The following TMEM132D variants were observed in gnomAD, a reference collection of about 807,000 sequenced individuals.
TMEM132D encodes mature OL transmembrane protein.
A neutral mutation model predicts 62.3 loss-of-function variants in TMEM132D; 21 were observed. The observed-to-expected ratio is 0.34, with a 90% CI of 0.24 to 0.49. The LOEUF (loss-of-function observed/expected upper bound fraction) is 0.49, where lower values mean the gene tolerates loss of function less well. TMEM132D is among the 20% of genes least tolerant of loss of function. The probability of loss-of-function intolerance (pLI) is 0.99; values close to 1 mark genes in which losing one functional copy is unlikely to be tolerated. For synonymous variants in TMEM132D, 621 were observed against 575.6 expected, an observed-to-expected ratio of 1.08 and a Z score of -1.13; for missense variants, 1,346 against 1,402.8, an observed-to-expected ratio of 0.96 and a Z score of 0.65.
At chr12:129,140,283 T>G (rs1319024447) in intron 5 of TMEM132D, among the ~76,000 whole-genome samples, 1 of 151,766 alleles carries the variant, frequency 6.6e-6, no homozygotes, top group Non-Finnish European at 1.5e-5. Flanking sequence ...ATTTGCTTGA[T>G]TGTAGTAATT....
chr12:129,630,218 A>T (rs995490941), intron 2 of TMEM132D, among the ~76,000 whole-genome samples: 3 of 152,174 alleles, frequency 2.0e-5, no homozygotes, highest in African/African-American at 7.2e-5. Context: ...TATGGAACCT[A>T]AGTTATATGT....
At chr12:129,840,280 T>G (rs1168401648) in intron 1 of TMEM132D, 1 of 152,122 alleles carries the variant, frequency 6.6e-6, no homozygotes, top group Non-Finnish European at 1.5e-5. Context: ...CCCAGTGACC[T>G]TGGGCACTGC....
chr12:129,077,554 C>T (rs1438814944), intron 8 of TMEM132D, among the ~76,000 whole-genome samples: 1 of 152,092 alleles, frequency 6.6e-6, no homozygotes, highest in African/African-American at 2.4e-5. Flanking sequence ...GCATCACACA[C>T]ATACACACAA....
chr12:129,826,642 C>T (rs1872671841), intron 1 of TMEM132D, among the ~76,000 whole-genome samples: 1 of 152,194 alleles, frequency 6.6e-6, no homozygotes, highest in Non-Finnish European at 1.5e-5. Context: ...TCCCAATGCC[C>T]CACAGCGGAA....
rs10773594 is a variant in TMEM132D, at chr12:129,075,012, C to T, written c.2163G>A (p.Thr721=). 0.68 allele frequency: 1,097,655 copies of T among 1,612,592 alleles called. 374,632 individuals carry two copies. Among genetic ancestry groups the T allele is most frequent in the Middle Eastern group, 0.7 (4,264 of 6,062 alleles). ...CTTTCCCATCGTAAATATCCAAGGG[C>T]GTGACTGAGCCATCACTGAACTGGA... ...CWVQFSDGSV[T]PLDIYDGKDF... is the part of the protein sequence containing the mutation. Residue 721 remains threonine, a synonymous_variant, in exon 9 of 9, where the codon ACG becomes ACA. Coordinates refer to ENST00000422113, the MANE Select transcript of TMEM132D (RefSeq NM_133448.3).
In TMEM132D at chr12:129,325,160, T is replaced by C. The variant is rs556829212; in HGVS notation, c.1299+12474A>G. Among the ~76,000 whole-genome samples, 12 of 152,254 alleles carry C rather than the reference T, an allele frequency of 7.9e-5. No homozygotes were observed. In the East Asian group the frequency reaches 2.1e-3, roughly 27 times the overall value. ...GATTCATTCCCCAGCACCAGCATGG[T>C]TACTGAGCTTCTGCCGCGGGATGGA... On this transcript the variant is annotated intron_variant, in intron 4 of 8. Transcript: ENST00000422113.
chr12:129,356,654 C>CAAAAAACA (rs34719078), intron 3 of TMEM132D, among the ~76,000 whole-genome samples: 1 of 116,072 alleles, frequency 8.6e-6, no homozygotes, highest in East Asian at 2.5e-4. Flanking sequence ...CCTGTCTCTA[C>CAAAAAACA]AATAAATAAA....
chr12:129,588,276 G>C (rs1878086263), intron 2 of TMEM132D, among the ~76,000 whole-genome samples: 1 of 152,210 alleles, frequency 6.6e-6, no homozygotes, highest in Non-Finnish European at 1.5e-5. Flanking sequence ...TCTTCTTTGA[G>C]GGGCTCTTTT....
At chr12:129,090,592 C>T (rs1028287164) in intron 5 of TMEM132D, among the ~76,000 whole-genome samples, 2 of 151,778 alleles carry the variant, frequency 1.3e-5, no homozygotes, top group Non-Finnish European at 2.9e-5. Flanking sequence ...TGCTTGAACC[C>T]GGGAGGTGGA....
rs1548075 is a variant in TMEM132D, at chr12:129,771,731, G to A, written c.80-71033C>T. On this transcript the variant is annotated intron_variant, in intron 1 of 8. Coordinates refer to ENST00000422113, the MANE Select transcript of TMEM132D (RefSeq NM_133448.3). Reference sequence around the variant, plus strand: ...ATTGGGTAATCCCGGTTAACAATGGGACATTTACTACCCTTGCCTTTGAAT... The same window carrying A: ...ATTGGGTAATCCCGGTTAACAATGGAACATTTACTACCCTTGCCTTTGAAT... Among the ~76,000 whole-genome samples the A allele has an allele frequency of 4.7e-3, 716 of 152,348 alleles. 4 individuals carry two copies. Among genetic ancestry groups the A allele is most frequent in the African/African-American group, 0.016 (683 of 41,568 alleles).
intron 3 of TMEM132D, among the ~76,000 whole-genome samples, chr12:129,370,902 A>T (rs984317451): frequency 6.6e-6 from 1 of 152,210 alleles, no homozygotes; most frequent in Non-Finnish European, 1.5e-5. Flanking sequence ...AAATAAAGAG[A>T]AGTTGGTTAA....
chr12:129,236,644 A>G (rs183787046), intron 4 of TMEM132D, among the ~76,000 whole-genome samples: 12 of 151,694 alleles, frequency 7.9e-5, no homozygotes, highest in Non-Finnish European at 1.8e-4. Context: ...CTTTAGGGTT[A>G]TCTATATATA....
intron 4 of TMEM132D, among the ~76,000 whole-genome samples, chr12:129,326,189 T>G (rs1012945324): frequency 6.6e-6 from 1 of 152,244 alleles, no homozygotes; most frequent in Non-Finnish European, 1.5e-5. Flanking sequence ...AATTCATCTC[T>G]GTTCTCCGTG....
At position 129,477,584 on chromosome 12, in the gene TMEM132D, G is replaced by T. The variant is rs35549546; in HGVS notation, c.1115+53475C>A. Among the ~76,000 whole-genome samples the T allele has an allele frequency of 7.7e-3, 1,167 of 152,262 alleles. 14 individuals carry two copies. The highest frequency in any genetic ancestry group is 0.027 in the African/African-American group (1,101 of 41,540). On this transcript the variant is annotated intron_variant, in intron 3 of 8. Coordinates refer to ENST00000422113, the MANE Select transcript of TMEM132D (RefSeq NM_133448.3). ...ACCTGTAATCCCAGCACTTTGGGAG[G>T]CCGAGGCGGGTGGATCACCAGGTCA... is the stretch of plus-strand genomic sequence containing the variant.
chr12:129,585,838 T>C (rs1009316021), intron 2 of TMEM132D, among the ~76,000 whole-genome samples: 2 of 151,526 alleles, frequency 1.3e-5, no homozygotes, highest in Non-Finnish European at 2.9e-5. Context: ...TGTGTGTGTG[T>C]GTCTGTGTGT....
chr12:129,112,627 C>A (rs945946200), intron 5 of TMEM132D, among the ~76,000 whole-genome samples: 1 of 152,174 alleles, frequency 6.6e-6, no homozygotes, highest in African/African-American at 2.4e-5. Context: ...CATGCCGTTG[C>A]ACTCCAGCCT....
chr12:129,824,953 G>A (rs1264830784), intron 1 of TMEM132D, among the ~76,000 whole-genome samples: 1 of 151,822 alleles, frequency 6.6e-6, no homozygotes, highest in Non-Finnish European at 1.5e-5. Flanking sequence ...GTTTGCTATT[G>A]ATCTTTAACA....
At chr12:129,762,736 C>G (rs1034056260) in intron 1 of TMEM132D, among the ~76,000 whole-genome samples, 1 of 152,066 alleles carries the variant, frequency 6.6e-6, no homozygotes, top group African/African-American at 2.4e-5. Flanking sequence ...ATATATTGTA[C>G]AAATCAAAGG....
At chr12:129,494,889 T>C (rs1379062037) in intron 3 of TMEM132D, among the ~76,000 whole-genome samples, 1 of 152,168 alleles carries the variant, frequency 6.6e-6, no homozygotes, top group Non-Finnish European at 1.5e-5. Flanking sequence ...TTCAGACATA[T>C]GCCCTGTACT....
Sources: allele counts gnomAD v4.1 joint callset (sites outside exome capture counted in the v4.1 genomes callset), GRCh38; gene constraint gnomAD v4.1.1; transcripts MANE v1.5; gene names NCBI Gene and HGNC (gene_info 2026-07-23, HGNC 2026-07-21).